UEVLD: variants seen among roughly 807,000 people sequenced by gnomAD.
UEVLD encodes the protein UEV and lactate/malate dehyrogenase domains.
Under a neutral mutation model 58.6 loss-of-function variants are expected in UEVLD, and 47 were observed. That is an observed-to-expected ratio of 0.80 (90% confidence interval 0.63 to 1.02). UEVLD has a LOEUF of 1.02. Among genes scored for constraint, UEVLD ranks in the 50% least tolerant of loss-of-function variants. UEVLD has a pLI of 0.00. For missense variants in UEVLD, 510 were observed against 550.6 expected, an observed-to-expected ratio of 0.93 and a Z score of 0.74; for synonymous variants, 197 against 195.3, an observed-to-expected ratio of 1.01 and a Z score of -0.07.
At position 18,576,760 on chromosome 11, in the gene UEVLD, A is replaced by G. The variant is rs117714887; in HGVS notation, c.128-1348T>C. ...GGAAGTGACCTAGAGCAAGAGGACA[A>G]CTTCAACTTCCCATGATTTCATCTT... On this transcript the variant is annotated intron_variant, in intron 2 of 11. Transcript: ENST00000396197. 2.0e-4 allele frequency among the ~76,000 whole-genome samples: 30 copies of G among 152,206 alleles called. No homozygotes were observed. The East Asian group carries it at 5.8e-3, about 29-fold the overall frequency.
Position 18,546,949 on chromosome 11 carries a change from A to C in UEVLD, c.817T>G (p.Phe273Val). The change falls in exon 8 of 12, where the codon TTC (phenylalanine) becomes GTC (valine). Residue 273 changes from phenylalanine (F) to valine (V), a missense_variant. Coordinates refer to ENST00000396197, the MANE Select transcript of UEVLD (RefSeq NM_001040697.4). ...CCCAGAGCTGGGACAAGGGCTCTGA[A>C]CATATCCACATTGCTCTGTACCACA... ...LDVVQSNVDM[F>V]RALVPALGHY... The C allele has an allele frequency of 6.2e-7, 1 of 1,614,154 alleles. No individual in the cohort carries two copies. Among genetic ancestry groups the C allele is most frequent in the Non-Finnish European group, 8.5e-7 (1 of 1,180,030 alleles).
At chr11:18,550,409 TCAC>T (rs201221761) in intron 7 of UEVLD, among the ~76,000 whole-genome samples, 4,569 of 152,310 alleles carry the variant, frequency 0.03, 103 homozygotes, top group Non-Finnish European at 0.045. Context: ...CTCACTGCAC[TCAC>T]CACATGTTTG....
chr11:18,542,590 T>G (rs1378599939), intron 9 of UEVLD, among the ~76,000 whole-genome samples: 2 of 152,156 alleles, frequency 1.3e-5, no homozygotes, highest in Non-Finnish European at 2.9e-5. Context: ...TACTGTTATA[T>G]TTTATTAAAA....
intron 9 of UEVLD, among the ~76,000 whole-genome samples, chr11:18,543,182 C>T (rs12223260): frequency 0.2 from 30,742 of 152,068 alleles, 3,264 homozygotes; most frequent in East Asian, 0.25. Context: ...TGAGCCACCA[C>T]ACCCAGCCCA....
At chr11:18,558,778 A>G (rs943819839) in intron 6 of UEVLD, among the ~76,000 whole-genome samples, 1 of 150,334 alleles carries the variant, frequency 6.7e-6, no homozygotes, top group African/African-American at 2.4e-5. Context: ...GCGAGACTCT[A>G]TCTCAAAAAA....
intron 9 of UEVLD, among the ~76,000 whole-genome samples, chr11:18,538,440 A>G (rs1850908124): frequency 6.6e-6 from 1 of 151,702 alleles, no homozygotes; most frequent in Non-Finnish European, 1.5e-5. Context: ...CAGACTCCCA[A>G]GTAGCTGGGA....
intron 7 of UEVLD, among the ~76,000 whole-genome samples, chr11:18,550,414 A>C (rs1265756763): frequency 6.6e-6 from 1 of 151,890 alleles, no homozygotes; most frequent in Non-Finnish European, 1.5e-5. Flanking sequence ...TGCACTCACC[A>C]CATGTTTGAC....
intron 6 of UEVLD, 21 bp downstream of exon 6, chr11:18,564,871 A>G (rs1013155024): frequency 1.3e-6 from 2 of 1,554,558 alleles, no homozygotes; most frequent in South Asian, 1.1e-5. Flanking sequence ...AGATGTATTT[A>G]TAACCACTAT....
intron 3 of UEVLD, 45 bp downstream of exon 3, chr11:18,575,302 T>C (rs1852843368): frequency 6.4e-7 from 1 of 1,562,570 alleles, no homozygotes; most frequent in East Asian, 2.2e-5. Flanking sequence ...TTAAATGAAC[T>C]GCTCTTTTAG....
At chr11:18,537,191 A>G (rs570273342) in intron 9 of UEVLD, among the ~76,000 whole-genome samples, 13 of 149,790 alleles carry the variant, frequency 8.7e-5, no homozygotes, top group Non-Finnish European at 1.3e-4. Flanking sequence ...GAGCCACCAC[A>G]CCCAGCACCA....
At chr11:18,584,884 G>C (rs140722471) in intron 1 of UEVLD, among the ~76,000 whole-genome samples, 268 of 152,270 alleles carry the variant, frequency 1.8e-3, no homozygotes, top group Non-Finnish European at 2.9e-3. Flanking sequence ...GCATGCCTCA[G>C]CCTCCTAATG....
At chr11:18,537,324 ATT>A (rs1554974951) in intron 9 of UEVLD, among the ~76,000 whole-genome samples, 1 of 131,560 alleles carries the variant, frequency 7.6e-6, no homozygotes, top group African/African-American at 2.9e-5. Context: ...ATATATATAT[ATT>A]TTTTTTTTTT....
At chr11:18,584,736 G>A (rs1347824224) in intron 1 of UEVLD, among the ~76,000 whole-genome samples, 2 of 152,096 alleles carry the variant, frequency 1.3e-5, no homozygotes, top group African/African-American at 4.8e-5. Context: ...GGGTTCAAGC[G>A]ATTCTCCTGT....
chr11:18,571,583 A>T (rs539665503), intron 3 of UEVLD, among the ~76,000 whole-genome samples: 1 of 152,176 alleles, frequency 6.6e-6, no homozygotes, highest in Non-Finnish European at 1.5e-5. Context: ...TACCCTGCAC[A>T]TCTAGCTTTT....
At chr11:18,555,867 T>C (rs1366510606) in intron 7 of UEVLD, among the ~76,000 whole-genome samples, 1 of 152,098 alleles carries the variant, frequency 6.6e-6, no homozygotes, top group African/African-American at 2.4e-5. Context: ...GAGGATCGCT[T>C]GAACCCAGGA....
chr11:18,532,677 CTTG>C (rs1455798126), intron 11 of UEVLD, among the ~76,000 whole-genome samples, 190 bp from the exon 12 acceptor site: 2 of 152,088 alleles, frequency 1.3e-5, no homozygotes, highest in African/African-American at 2.4e-5. Flanking sequence ...ATTCTATAAA[CTTG>C]TTATCATTTC....
At chr11:18,572,052 C>T (rs908910500) in intron 3 of UEVLD, among the ~76,000 whole-genome samples, 18 of 152,002 alleles carry the variant, frequency 1.2e-4, no homozygotes, top group South Asian at 2.1e-4. Context: ...CTGGCTAACA[C>T]GGTGAAACCC....
At chr11:18,533,624 A>G (rs192049752) in intron 11 of UEVLD, among the ~76,000 whole-genome samples, 53 of 152,336 alleles carry the variant, frequency 3.5e-4, no homozygotes, top group African/African-American at 1.2e-3. Context: ...TTATGGATAT[A>G]TAAACACTAT....
intron 9 of UEVLD, 128 bp from the exon 10 acceptor site, chr11:18,536,597 G>A: frequency 1.3e-6 from 1 of 760,588 alleles, no homozygotes; most frequent in East Asian, 2.8e-5. Context: ...TTTCTAGCAA[G>A]TTAGATTTTT....
Sources: gnomAD v4.1 joint callset for allele counts (sites outside exome capture counted in the v4.1 genomes callset) on GRCh38, gnomAD v4.1.1 for gene constraint, MANE v1.5 for transcripts, NCBI Gene and HGNC (gene_info 2026-07-23, HGNC 2026-07-21) for gene names.